The following TRIM74 variants were observed in gnomAD, a reference collection of about 807,000 sequenced individuals.
The protein encoded by TRIM74 is tripartite motif containing 74.
Under a neutral mutation model 14.5 loss-of-function variants are expected in TRIM74, and 3 were observed. That is an observed-to-expected ratio of 0.21 (90% CI 0.09 to 0.53). The LOEUF (loss-of-function observed/expected upper bound fraction) is 0.53, where lower values mean the gene tolerates loss of function less well. TRIM74 is among the 20% of genes least tolerant of loss of function. TRIM74 has a pLI of 0.95. For synonymous variants in TRIM74, 10 were observed against 71.3 expected, an observed-to-expected ratio of 0.14 and a Z score of 4.33; for missense variants, 26 against 174.0, an observed-to-expected ratio of 0.15 and a Z score of 4.79.
chr7:72,962,738 TAA>T (rs1198650728), intron 2 of TRIM74, among the ~76,000 whole-genome samples: 2 of 100,064 alleles, frequency 2.0e-5, no homozygotes, highest in East Asian at 5.5e-4. Context: ...TTCCCAGGCA[TAA>T]GAGGGTCTCG....
intron 2 of TRIM74, among the ~76,000 whole-genome samples, chr7:72,962,667 C>T (rs1299759071): frequency 2.8e-5 from 3 of 105,414 alleles, no homozygotes; most frequent in African/African-American, 4.0e-5. Context: ...GGCGACAGAG[C>T]GAGACTCCGT....
At chr7:72,957,771 C>CCTAGCATGCCTAGCTCCCTCATG (rs1375364339), downstream of TRIM74, among the ~76,000 whole-genome samples, 6 of 149,654 alleles carry the variant, frequency 4.0e-5, no homozygotes, top group Non-Finnish European at 8.9e-5. Flanking sequence ...CTCCCTCATG[C>CCTAGCATGCCTAGCTCCCTCATG]CCTCTCACTG....
chr7:72,955,158 G>A (rs1386685009), downstream of TRIM74, among the ~76,000 whole-genome samples: 1 of 119,994 alleles, frequency 8.3e-6, no homozygotes, highest in African/African-American at 3.4e-5. Context: ...GCGCAGTGTC[G>A]CGATCTTGGC....
At chr7:72,955,675 GGTTTT>G (rs2129581866), downstream of TRIM74, among the ~76,000 whole-genome samples, 1 of 146,200 alleles carries the variant, frequency 6.8e-6, no homozygotes, top group Admixed American at 6.8e-5. Flanking sequence ...CCACAATAAC[GGTTTT>G]GTTTTTGCTT....
chr7:72,967,778 CT>C (rs1256247164), intron 1 of TRIM74, among the ~76,000 whole-genome samples: 32 of 5,982 alleles, frequency 5.3e-3, no homozygotes, highest in Admixed American at 0.018. Flanking sequence ...AACCTGGCCT[CT>C]TTTTTTTTTT....
At chr7:72,955,087 GTATATATATA>G (rs56757405), downstream of TRIM74, 36 of 301,822 alleles carry the variant, frequency 1.2e-4, no homozygotes, top group Non-Finnish European at 1.5e-4. Context: ...GTGTATGTGT[GTATATATATA>G]TATATATATA....
chr7:72,954,877 G>A (rs1164060285), downstream of TRIM74: 5 of 538,526 alleles, frequency 9.3e-6, no homozygotes, highest in Non-Finnish European at 1.7e-5. Flanking sequence ...GCTAGGGAGT[G>A]CGACGCTGCG....
intron 1 of TRIM74, among the ~76,000 whole-genome samples, chr7:72,966,460 G>A (rs554691099): frequency 2.2e-4 from 30 of 133,450 alleles, no homozygotes; most frequent in Admixed American, 7.0e-4. Context: ...GCATGAAAGG[G>A]GCCATCTGCA....
intron 1 of TRIM74, among the ~76,000 whole-genome samples, chr7:72,966,501 G>A (rs1474192749): frequency 9.4e-6 from 1 of 106,948 alleles, no homozygotes; most frequent in East Asian, 2.7e-4. Context: ...AATAATGCAA[G>A]GTCCAGCCCC....
rs1798246445 is a variant in TRIM74 at position 72,965,658 on chromosome 7, GA to G, written c.399+100del. On this transcript the variant is annotated intron_variant, in intron 2 of 4. Coordinates refer to ENST00000285805, the MANE Select transcript of TRIM74 (RefSeq NM_198853.3). ...GCCAGGGCAGGGCTGCAGGGAAATC[GA>G]GGATAGCTGGATCCGTTTTGGTGCC... The G allele has an allele frequency of 1.0e-4, 9 of 90,348 alleles. 3 individuals carry two copies. Among genetic ancestry groups the G allele is most frequent in the Non-Finnish European group, 1.7e-4 (9 of 53,130 alleles). 5.6% of individuals were successfully genotyped at this position (90,348 alleles called of 1,614,324 possible).
At chr7:72,967,205 G>T (rs2129582500) in intron 1 of TRIM74, among the ~76,000 whole-genome samples, 1 of 151,712 alleles carries the variant, frequency 6.6e-6, no homozygotes, top group African/African-American at 2.4e-5. Flanking sequence ...CTGGGAAACA[G>T]TTCTTTCTGA....
In TRIM74 at chr7:72,969,456, C is replaced by T; in HGVS notation, c.-190G>A. On this transcript the variant is annotated 5_prime_UTR_variant, in exon 1 of 5. Transcript: ENST00000285805. Reference sequence around the variant, plus strand: ...CCCGCCTGGCGCTCCCGCACATGCCCCATCATGCTCAGCGCGCTCCCATTA... The same window carrying T: ...CCCGCCTGGCGCTCCCGCACATGCCTCATCATGCTCAGCGCGCTCCCATTA... 1.7e-6 allele frequency: 1 copy of T among 599,608 alleles called. No individual in the cohort carries two copies. The highest frequency in any genetic ancestry group is 1.9e-5 in the South Asian group (1 of 51,490). 37.1% of individuals were successfully genotyped at this position (599,608 alleles called of 1,614,324 possible).
At chr7:72,955,201 A>C (rs1490948272), downstream of TRIM74, among the ~76,000 whole-genome samples, 1 of 120,950 alleles carries the variant, frequency 8.3e-6, no homozygotes, top group Non-Finnish European at 1.7e-5. Context: ...GGTTCAAGCA[A>C]TTCTCCTGCC....
At chr7:72,967,245 T>TGG (rs1441686093) in intron 1 of TRIM74, among the ~76,000 whole-genome samples, 300 of 116,404 alleles carry the variant, frequency 2.6e-3, no homozygotes, top group South Asian at 0.023. Context: ...ATATCCTTTT[T>TGG]TGGGGGGGGT....
chr7:72,955,111 A>ATATATTTTT (rs1346659193), downstream of TRIM74: 3 of 112,068 alleles, frequency 2.7e-5, no homozygotes, highest in African/African-American at 1.2e-4. Flanking sequence ...ATATATATAT[A>ATATATTTTT]TTTTTTTTTT....
chr7:72,967,255 T>TG (rs1292488367), intron 1 of TRIM74, among the ~76,000 whole-genome samples: 100 of 44,056 alleles, frequency 2.3e-3, no homozygotes, highest in Admixed American at 3.8e-3. Context: ...TTGGGGGGGG[T>TG]GGGGGGCTGG....
chr7:72,955,284 A>G (rs1200816368), downstream of TRIM74, among the ~76,000 whole-genome samples: 72 of 124,874 alleles, frequency 5.8e-4, 1 homozygote, highest in Non-Finnish European at 3.1e-4. Context: ...TTTAGTAGAG[A>G]CGGGGTTTCA....
At chr7:72,956,070 A>G (rs1798089413), downstream of TRIM74, among the ~76,000 whole-genome samples, 1 of 136,904 alleles carries the variant, frequency 7.3e-6, no homozygotes, top group Admixed American at 7.5e-5. Context: ...CAGTCTGGCC[A>G]GGTGCGGTGG....
chr7:72,967,251 G>GT (rs1798306615), intron 1 of TRIM74, among the ~76,000 whole-genome samples: 1 of 148,560 alleles, frequency 6.7e-6, no homozygotes, highest in Non-Finnish European at 1.5e-5. Flanking sequence ...TTTTTTGGGG[G>GT]GGGTGGGGGG....
Sources: allele counts gnomAD v4.1 joint callset (sites outside exome capture counted in the v4.1 genomes callset), GRCh38; gene constraint gnomAD v4.1.1; transcripts MANE v1.5; gene names NCBI Gene and HGNC (gene_info 2026-07-23, HGNC 2026-07-21).